The following GOLGA8B variants were observed in gnomAD, a reference collection of about 807,000 sequenced individuals.
GOLGA8B encodes golgin subfamily A member 8B.
Under a neutral mutation model 15.6 loss-of-function variants are expected in GOLGA8B, and 1 was observed. The observed-to-expected ratio is 0.06, with a 90% CI of 0.02 to 0.30. The LOEUF (loss-of-function observed/expected upper bound fraction) is 0.30. Among genes scored for constraint, GOLGA8B ranks in the 10% least tolerant of loss-of-function variants. GOLGA8B has a pLI of 1.00. For missense variants in GOLGA8B, 17 were observed against 201.3 expected, an observed-to-expected ratio of 0.08 and a Z score of 5.54; for synonymous variants, 9 against 80.3, an observed-to-expected ratio of 0.11 and a Z score of 4.75.
chr15:34,572,829 A>G (rs1294559318), intron 1 of GOLGA8B, among the ~76,000 whole-genome samples: 4 of 152,248 alleles, frequency 2.6e-5, no homozygotes, highest in Non-Finnish European at 5.9e-5. Flanking sequence ...TAGATCTATC[A>G]TATGTTAGGC....
At chr15:34,558,055 A>C (rs1403636191) in intron 1 of GOLGA8B, among the ~76,000 whole-genome samples, 1 of 134,292 alleles carries the variant, frequency 7.4e-6, no homozygotes, top group East Asian at 2.0e-4. Context: ...GAGGCCTCCA[A>C]GACCTGCCAC....
intron 1 of GOLGA8B, among the ~76,000 whole-genome samples, chr15:34,580,818 C>G (rs897746893): frequency 1.3e-5 from 2 of 152,212 alleles, no homozygotes; most frequent in African/African-American, 4.8e-5. Flanking sequence ...TGGTGAGCAA[C>G]CATCTCAAAC....
chr15:34,580,468 A>G (rs1382842239), intron 1 of GOLGA8B, among the ~76,000 whole-genome samples: 3 of 127,022 alleles, frequency 2.4e-5, no homozygotes, highest in African/African-American at 8.9e-5. Flanking sequence ...CAGCAATGGC[A>G]CCCCACCAGT....
chr15:34,574,804 C>A (rs540842438), intron 1 of GOLGA8B: 1 of 152,470 alleles, frequency 6.6e-6, no homozygotes, highest in Non-Finnish European at 1.5e-5. Context: ...GCCTGCAGCT[C>A]CAAAACATAC....
intron 1 of GOLGA8B, among the ~76,000 whole-genome samples, chr15:34,572,430 T>A (rs1357404713): frequency 6.6e-6 from 1 of 152,168 alleles, no homozygotes; most frequent in East Asian, 1.9e-4. Flanking sequence ...AAGTAAACAG[T>A]CACATATTAT....
chr15:34,559,668 CAG>C (rs995615491), intron 1 of GOLGA8B, among the ~76,000 whole-genome samples: 1 of 103,834 alleles, frequency 9.6e-6, no homozygotes, highest in Non-Finnish European at 1.9e-5. Context: ...CTTGTGAACT[CAG>C]AGCAAGAGTT....
At position 34,526,419 on chromosome 15, in the gene GOLGA8B, T is replaced by G. The variant is rs1257503331; in HGVS notation, c.*1213A>C. ...CTCAAGGAAAAGAAGTAAATTCCTATGTCAGAGTAACCGAGGTGGTTGAAG... is the reference window on the plus strand; with the variant it reads ...CTCAAGGAAAAGAAGTAAATTCCTAGGTCAGAGTAACCGAGGTGGTTGAAG... On this transcript the variant is annotated 3_prime_UTR_variant, in exon 24 of 24. Coordinates refer to ENST00000683415, the MANE Select transcript of GOLGA8B (RefSeq NM_001023567.5). 6.7e-6 allele frequency: 1 copy of G among 149,104 alleles called. No individual in the cohort carries two copies. The highest frequency in any genetic ancestry group is 3.2e-3 in the Middle Eastern group (1 of 314). The allele number at this position is 149,104 out of a possible 1,614,324, so 9.2% of individuals were successfully genotyped here. A position where few individuals can be genotyped will look rare whatever the true frequency, so the allele number is the denominator to read the frequency against.
intron 1 of GOLGA8B, among the ~76,000 whole-genome samples, chr15:34,581,059 A>G (rs1889215804): frequency 6.6e-6 from 1 of 152,208 alleles, no homozygotes; most frequent in South Asian, 2.1e-4. Flanking sequence ...TGCCGAAGAC[A>G]TTGAAGCCAC....
chr15:34,554,396 C>T lies in GOLGA8B; in HGVS notation c.-1122-440G>A, dbSNP rs1461286939. On this transcript the variant is annotated intron_variant, in intron 1 of 23. Coordinates refer to ENST00000683415, the MANE Select transcript of GOLGA8B (RefSeq NM_001023567.5). ...ACACACATACCATGCCCACCTCATA[C>T]ACACCACACACATACCCCATACACA... 2.7e-5 allele frequency among the ~76,000 whole-genome samples: 4 copies of T among 150,044 alleles called. No homozygotes were observed. The East Asian group carries it at 5.9e-4, about 22-fold the overall frequency.
intron 1 of GOLGA8B, among the ~76,000 whole-genome samples, chr15:34,570,582 TCC>T: frequency 8.6e-6 from 1 of 116,568 alleles, no homozygotes; most frequent in Non-Finnish European, 1.8e-5. Context: ...CAAACACCCC[TCC>T]ACGATGGACC....
At chr15:34,564,315 T>C (rs572534427) in intron 1 of GOLGA8B, among the ~76,000 whole-genome samples, 2 of 144,806 alleles carry the variant, frequency 1.4e-5, no homozygotes, top group Non-Finnish European at 3.0e-5. Context: ...GGTCTCCAGA[T>C]TTCCCACTTT....
chr15:34,568,980 T>A (rs1888834609), intron 1 of GOLGA8B, among the ~76,000 whole-genome samples: 1 of 149,854 alleles, frequency 6.7e-6, no homozygotes, highest in South Asian at 2.1e-4. Flanking sequence ...CTCATGCTGA[T>A]TCTGCAGGCA....
rs1248165277 is a variant in GOLGA8B at position 34,554,694 on chromosome 15, CCATACTACA to C, written c.-1122-747_-1122-739del. ...CACACACAAACACCACACACCCACA[CCATACTACA>C]CATTTACCACATACACACCACACAC... On this transcript the variant is annotated intron_variant, in intron 1 of 23. Coordinates refer to ENST00000683415, the MANE Select transcript of GOLGA8B (RefSeq NM_001023567.5). Among the ~76,000 whole-genome samples the C allele has an allele frequency of 1.3e-3, 81 of 62,628 alleles. 1 individual carries two copies. Among genetic ancestry groups the C allele is most frequent in the Middle Eastern group, 5.6e-3 (1 of 178 alleles). 41.1% of individuals were successfully genotyped at this position (62,628 alleles called of 152,430 possible).
chr15:34,557,643 A>AGTGTGTGTGTGT lies in GOLGA8B; in HGVS notation c.-1122-3688_-1122-3687insACACACACACAC, dbSNP rs1566932966. Among the ~76,000 whole-genome samples, 3 of 31,474 alleles carry AGTGTGTGTGTGT rather than the reference A, an allele frequency of 9.5e-5. 1 individual carries two copies. Among genetic ancestry groups the AGTGTGTGTGTGT allele is most frequent in the African/African-American group, 5.0e-4 (3 of 5,956 alleles). The allele number at this position is 31,474 out of a possible 152,430, so 20.6% of individuals were successfully genotyped here. A position where few individuals can be genotyped will look rare whatever the true frequency, so the allele number is the denominator to read the frequency against. On this transcript the variant is annotated intron_variant, in intron 1 of 23. Transcript: ENST00000683415. ...TATTTTTTTCTGAGAAGAATTCATGAATGTGTGTGTGTGTGTGTGTGTGTG... is the reference window on the plus strand; with the variant it reads ...TATTTTTTTCTGAGAAGAATTCATGAGTGTGTGTGTGTATGTGTGTGTGTGTGTGTGTGTGTG...
chr15:34,557,639 C>CATGA (rs1388867337), intron 1 of GOLGA8B, among the ~76,000 whole-genome samples: 1 of 47,702 alleles, frequency 2.1e-5, no homozygotes, highest in Non-Finnish European at 4.2e-5. Flanking sequence ...GAGAAGAATT[C>CATGA]ATGAATGTGT....
chr15:34,576,178 T>C (rs971210950), intron 1 of GOLGA8B, among the ~76,000 whole-genome samples: 2 of 151,942 alleles, frequency 1.3e-5, no homozygotes, highest in African/African-American at 4.8e-5. Flanking sequence ...GTTGCCAAAG[T>C]GAGGGGTGGG....
rs1491292911 is a variant in GOLGA8B at position 34,577,560 on chromosome 15, A to AT, written c.-1123+5955_-1123+5956insA. Among the ~76,000 whole-genome samples the AT allele has an allele frequency of 2.4e-4, 34 of 142,036 alleles. 1 individual carries two copies. Among genetic ancestry groups the AT allele is most frequent in the Non-Finnish European group, 4.6e-4 (30 of 64,892 alleles). 93.2% of individuals were successfully genotyped at this position (142,036 alleles called of 152,430 possible). The stretch of plus-strand genomic sequence containing the variant: ...CACACACACACACACACACACACAC[A>AT]GATGCGTCACTTAATGACAGGGATG... On this transcript the variant is annotated intron_variant, in intron 1 of 23. Coordinates refer to ENST00000683415, the MANE Select transcript of GOLGA8B (RefSeq NM_001023567.5).
intron 1 of GOLGA8B, among the ~76,000 whole-genome samples, chr15:34,579,505 A>C (rs1307219801): frequency 6.6e-6 from 1 of 152,232 alleles, no homozygotes; most frequent in African/African-American, 2.4e-5. Flanking sequence ...CAGAGAACCC[A>C]AACAACTGAA....
chr15:34,567,674 G>C (rs200491387), intron 1 of GOLGA8B, among the ~76,000 whole-genome samples: 11,779 of 150,294 alleles, frequency 0.078, 1 homozygote, highest in South Asian at 0.19. Flanking sequence ...GAAAATCAAA[G>C]AGCCATTCCT....
Sources: allele counts gnomAD v4.1 joint callset (sites outside exome capture counted in the v4.1 genomes callset), GRCh38; gene constraint gnomAD v4.1.1; transcripts MANE v1.5; gene names NCBI Gene and HGNC (gene_info 2026-07-23, HGNC 2026-07-21).